Variants in CRACD observed in about 807,000 individuals in gnomAD.
The protein encoded by CRACD is capping protein-inhibiting regulator of actin dynamics.
A neutral mutation model predicts 106.8 loss-of-function variants in CRACD; 56 were observed. The ratio of observed to expected loss-of-function variants is 0.52; its 90% CI spans 0.42 to 0.66. The LOEUF is 0.66. Among genes scored for constraint, CRACD ranks in the 30% least tolerant of loss-of-function variants. The pLI is 0.00. For missense variants in CRACD, 1,730 were observed against 1,623.2 expected (o/e 1.07, Z -1.13); for synonymous variants, 754 against 670.8 (o/e 1.12, Z -1.92).
chr4:56,232,868 G>T (rs2109539531), intron 2 of CRACD, among the ~76,000 whole-genome samples: 1 of 152,010 alleles, frequency 6.6e-6, no homozygotes, highest in African/African-American at 2.4e-5. Flanking sequence ...GGGATTACAG[G>T]TGCCCGCCAC....
At chr4:56,304,055 C>T (rs1434364359) in intron 4 of CRACD, among the ~76,000 whole-genome samples, 3 of 152,146 alleles carry the variant, frequency 2.0e-5, no homozygotes, top group South Asian at 4.2e-4. Context: ...CTGTGACATA[C>T]GTGATAGATA....
chr4:56,328,192 T>A lies in CRACD; in HGVS notation c.*388T>A, dbSNP rs562870713. ...ATGGTTTTTTGATTCTATGCACTAA[T>A]TTTCTTTGTCCAAAACATTTACTCT... On this transcript the variant is annotated 3_prime_UTR_variant, in exon 11 of 11. Coordinates refer to ENST00000682029, the MANE Select transcript of CRACD (RefSeq NM_001393381.1). The A allele has an allele frequency of 1.1e-4, 45 of 417,034 alleles. No individual in the cohort carries two copies. The highest frequency in any genetic ancestry group is 8.3e-4 in the South Asian group (43 of 51,778). 25.8% of individuals were successfully genotyped at this position (417,034 alleles called of 1,614,324 possible). A position where few individuals can be genotyped will look rare whatever the true frequency, so the allele number is the denominator to read the frequency against.
chr4:56,065,195 C>T (rs1385670306), intron 1 of CRACD, among the ~76,000 whole-genome samples: 3 of 152,050 alleles, frequency 2.0e-5, no homozygotes, highest in Admixed American at 6.6e-5. Context: ...TCAAGCAATT[C>T]TCCTGTCTCA....
Position 56,219,842 on chromosome 4 carries a change from T to C in CRACD, c.-189+40412T>C, listed in dbSNP as rs148753375. Among the ~76,000 whole-genome samples, 579 of 152,308 alleles carry C rather than the reference T, an allele frequency of 3.8e-3. 1 individual carries two copies. The highest frequency in any genetic ancestry group is 0.018 in the South Asian group (85 of 4,828). ...GTTAGACAGTAATGATTTAGGTCAA[T>C]GCTTAAATGTGTGTGTTTAGTAAGA... On this transcript the variant is annotated intron_variant, in intron 2 of 10. Coordinates refer to ENST00000682029, the MANE Select transcript of CRACD (RefSeq NM_001393381.1).
At chr4:56,096,363 G>A (rs1387349279) in intron 1 of CRACD, among the ~76,000 whole-genome samples, 3 of 152,140 alleles carry the variant, frequency 2.0e-5, no homozygotes, top group Non-Finnish European at 4.4e-5. Context: ...CTGAGCAAAA[G>A]CCTGCGAAGT....
intron 2 of CRACD, among the ~76,000 whole-genome samples, chr4:56,230,516 A>G (rs532722026): frequency 6.6e-6 from 1 of 152,290 alleles, no homozygotes; most frequent in South Asian, 2.1e-4. Flanking sequence ...ATTGAGTCAG[A>G]AGGTCTAGTT....
chr4:56,209,574 TATTAA>T (rs1738298337), intron 2 of CRACD, among the ~76,000 whole-genome samples: 1 of 152,130 alleles, frequency 6.6e-6, no homozygotes, highest in African/African-American at 2.4e-5. Context: ...AGATAAAAAT[TATTAA>T]ATTATTCTAT....
rs114343947 is a variant in CRACD, at chr4:56,256,177, A to G, written c.-188-16144A>G. ...ACCCATAATTCCGACATGTTGTGGG[A>G]GGGACCCATTGGAAGATAATTGAAT... On this transcript the variant is annotated intron_variant, in intron 2 of 10. Coordinates refer to ENST00000682029, the MANE Select transcript of CRACD (RefSeq NM_001393381.1). 1.8e-3 allele frequency among the ~76,000 whole-genome samples: 268 copies of G among 152,304 alleles called. 2 individuals carry two copies. The highest frequency in any genetic ancestry group is 6.1e-3 in the African/African-American group (255 of 41,564).
intron 1 of CRACD, among the ~76,000 whole-genome samples, chr4:56,104,749 T>C (rs35352417): frequency 0.12 from 18,601 of 151,440 alleles, 1,218 homozygotes; most frequent in East Asian, 0.19. Flanking sequence ...GGGCGGATCA[T>C]GAGGTCAGGA....
chr4:56,306,735 G>A (rs59709472), intron 4 of CRACD, among the ~76,000 whole-genome samples: 4 of 152,044 alleles, frequency 2.6e-5, no homozygotes, highest in South Asian at 2.1e-4. Context: ...TTAATCTTCC[G>A]AATTTCTACC....
chr4:56,262,518 AT>A (rs57264319), intron 2 of CRACD, among the ~76,000 whole-genome samples: 38,377 of 151,524 alleles, frequency 0.25, 5,049 homozygotes, highest in Non-Finnish European at 0.29. Context: ...TTTTTTTGTG[AT>A]TTTTTTTTAT....
At chr4:56,289,546 G>A (rs555189909) in intron 3 of CRACD, among the ~76,000 whole-genome samples, 27 of 152,000 alleles carry the variant, frequency 1.8e-4, no homozygotes, top group South Asian at 2.1e-4. Context: ...GGTGGTGCAC[G>A]CCTGTATTTC....
At chr4:56,053,567 T>G (rs556278206) in intron 1 of CRACD, among the ~76,000 whole-genome samples, 111 of 152,336 alleles carry the variant, frequency 7.3e-4, no homozygotes, top group African/African-American at 2.6e-3. Context: ...GTGTCTGGTT[T>G]GCATTATTGC....
chr4:56,202,587 G>A (rs976060991), intron 2 of CRACD, among the ~76,000 whole-genome samples: 1 of 152,138 alleles, frequency 6.6e-6, no homozygotes, highest in African/African-American at 2.4e-5. Context: ...AAAGATTACA[G>A]CAATTTGAGC....
intron 2 of CRACD, among the ~76,000 whole-genome samples, chr4:56,252,721 C>G (rs866368967): frequency 9.2e-5 from 14 of 152,258 alleles, no homozygotes; most frequent in Admixed American, 5.2e-4. Context: ...TCAATACACA[C>G]AACACCAAGA....
intron 2 of CRACD, among the ~76,000 whole-genome samples, chr4:56,187,541 G>A (rs1202189245): frequency 2.0e-5 from 3 of 151,940 alleles, no homozygotes; most frequent in African/African-American, 7.3e-5. Context: ...TCCAGCAAAC[G>A]ATCATCTTAG....
At chr4:56,181,923 G>A (rs530848593) in intron 2 of CRACD, among the ~76,000 whole-genome samples, 2 of 152,252 alleles carry the variant, frequency 1.3e-5, no homozygotes, top group South Asian at 4.1e-4. Context: ...AAATTCAGTG[G>A]TACTGCAGGG....
intron 2 of CRACD, among the ~76,000 whole-genome samples, chr4:56,192,377 A>G (rs1327593795): frequency 2.6e-5 from 4 of 152,062 alleles, no homozygotes; most frequent in Non-Finnish European, 5.9e-5. Context: ...GAGTGGCGAC[A>G]GAGCAAGACT....
intron 1 of CRACD, among the ~76,000 whole-genome samples, chr4:56,138,717 G>T (rs1033337706): frequency 6.6e-6 from 1 of 152,184 alleles, no homozygotes; most frequent in Non-Finnish European, 1.5e-5. Context: ...CCCGCATCAG[G>T]AGAGGATGAA....
Sources: gnomAD v4.1 joint callset for allele counts (sites outside exome capture counted in the v4.1 genomes callset) on GRCh38, gnomAD v4.1.1 for gene constraint, MANE v1.5 for transcripts, NCBI Gene and HGNC (gene_info 2026-07-23, HGNC 2026-07-21) for gene names.